VWA5A: variants seen among roughly 807,000 people sequenced by gnomAD.
VWA5A encodes the protein von Willebrand factor A domain containing 5A.
VWA5A carries 77 observed loss-of-function variants against 84.6 expected under a neutral mutation model. That is an observed-to-expected ratio of 0.91 (90% CI 0.76 to 1.10). VWA5A has a LOEUF of 1.10. VWA5A is among the 50% of genes least tolerant of loss of function. VWA5A has a pLI of 0.00. For missense variants in VWA5A, 973 were observed against 963.0 expected (o/e 1.01, Z -0.14); for synonymous variants, 334 against 350.1 (o/e 0.95, Z 0.51).
intron 11 of VWA5A, among the ~76,000 whole-genome samples, chr11:124,132,440 G>A (rs1337261407): frequency 6.6e-6 from 1 of 151,624 alleles, no homozygotes; most frequent in Non-Finnish European, 1.5e-5. Context: ...CTCTTGGCCT[G>A]GATTTTTTTG....
In VWA5A at chr11:124,147,719, C is replaced by T. The variant is rs1342521286; in HGVS notation, c.*1774C>T. On this transcript the variant is annotated 3_prime_UTR_variant, in exon 19 of 19. Coordinates refer to ENST00000456829, the MANE Select transcript of VWA5A (RefSeq NM_001130142.2). ...GAAATAGGCTTATATCCAAGCCTGC[C>T]ATCTAGATAGGCCCTACCTATGTAA... 1 of 152,134 alleles carries T rather than the reference C, an allele frequency of 6.6e-6. No homozygotes were observed. Among genetic ancestry groups the T allele is most frequent in the Non-Finnish European group, 1.5e-5 (1 of 68,022 alleles). The allele number at this position is 152,134 out of a possible 1,614,324, so 9.4% of individuals were successfully genotyped here.
In VWA5A at chr11:124,142,459, C is replaced by G. The variant is rs768388995; in HGVS notation, c.2041C>G (p.Leu681Val). The G allele has an allele frequency of 1.9e-6, 3 of 1,614,096 alleles. No homozygotes were observed. The East Asian group carries it at 6.7e-5, about 36-fold the overall frequency. ...QHSPGFGENH[L>V]VQLIYHQNAN... is the part of the protein sequence containing the mutation. ...CCTCAAAGGCTTTGGAGAGAATCACCTTGTGCAGCTGATTTACCACCAAAA... is the reference window on the plus strand; with the variant it reads ...CCTCAAAGGCTTTGGAGAGAATCACGTTGTGCAGCTGATTTACCACCAAAA... The change falls in exon 17 of 19, where the codon CTT becomes GTT. Residue 681 changes from leucine (L) to valine (V), a missense_variant. Transcript: ENST00000456829.
intron 11 of VWA5A, among the ~76,000 whole-genome samples, chr11:124,128,117 G>T (rs1235105268): frequency 1.3e-5 from 2 of 152,134 alleles, no homozygotes; most frequent in African/African-American, 4.8e-5. Context: ...TATTGCCTAG[G>T]TTTTCTTCTA....
chr11:124,118,527 T>C lies in VWA5A; in HGVS notation c.470-6T>C. The C allele has an allele frequency of 6.2e-7, 1 of 1,613,922 alleles. No individual in the cohort carries two copies. The highest frequency in any genetic ancestry group is 8.5e-7 in the Non-Finnish European group (1 of 1,179,844). ...AGGAAAACAGAACTAAGGTCATCTTTTATAGGGTCGTCTAAGGACAGTTGC... is the reference window on the plus strand; with the variant it reads ...AGGAAAACAGAACTAAGGTCATCTTCTATAGGGTCGTCTAAGGACAGTTGC... On this transcript the variant is annotated splice_region_variant and splice_polypyrimidine_tract_variant and intron_variant, in intron 5 of 18. Transcript: ENST00000456829.
At chr11:124,124,571 A>G (rs1565616532) in intron 11 of VWA5A, 1 of 1,201,754 alleles carries the variant, frequency 8.3e-7, no homozygotes, top group South Asian at 2.5e-5. Flanking sequence ...GTAAGATGTT[A>G]ATTTTTTTTA....
intron 11 of VWA5A, among the ~76,000 whole-genome samples, chr11:124,134,542 T>A (rs1034191726): frequency 5.9e-5 from 9 of 152,248 alleles, no homozygotes; most frequent in African/African-American, 2.2e-4. Flanking sequence ...AGGTAGGAAC[T>A]GGTGTTAGTT....
chr11:124,137,653 A>G lies in VWA5A; in HGVS notation c.1879+385A>G, dbSNP rs1015887417. On this transcript the variant is annotated intron_variant, in intron 15 of 18. Transcript: ENST00000456829. ...TTTAGTATGTTCACAGAGTTGTGCA[A>G]CCATTGATTGCCACAATCAATTTTA... Among the ~76,000 whole-genome samples the G allele has an allele frequency of 3.9e-5, 6 of 152,320 alleles. No homozygotes were observed. The East Asian group carries it at 7.7e-4, about 20-fold the overall frequency.
At position 124,137,327 on chromosome 11, in the gene VWA5A, A is replaced by C. The variant is rs1350741156; in HGVS notation, c.1879+59A>C. On this transcript the variant is annotated intron_variant, in intron 15 of 18. Transcript: ENST00000456829. ...AATAAAAGATTCTGACTATCTGAGC[A>C]CATTATTTAAAGGAAAGGGCTGTGA... The C allele has an allele frequency of 5.8e-6, 9 of 1,563,424 alleles. No homozygotes were observed. The East Asian group carries it at 1.1e-4, about 20-fold the overall frequency.
At chr11:124,117,334 A>G (rs1864847317) in intron 2 of VWA5A, 163 bp from the exon 3 acceptor site, 1 of 688,628 alleles carries the variant, frequency 1.5e-6, no homozygotes, top group Non-Finnish European at 2.5e-6. Context: ...AAGGACCCTT[A>G]TGACTGAAAT....
At chr11:124,141,861 C>A in intron 16 of VWA5A, 120 bp downstream of exon 16, 1 of 1,342,386 alleles carries the variant, frequency 7.4e-7, no homozygotes, top group Non-Finnish European at 1.0e-6. Context: ...TCGAAGGGAC[C>A]CCCCATGCAT....
chr11:124,131,506 A>C (rs986814630), intron 11 of VWA5A, among the ~76,000 whole-genome samples: 6 of 152,074 alleles, frequency 3.9e-5, no homozygotes, highest in Admixed American at 2.6e-4. Flanking sequence ...ATATTTTATA[A>C]TTCTCTGTGT....
chr11:124,121,865 C>A (rs1183369096), intron 7 of VWA5A, among the ~76,000 whole-genome samples: 2 of 152,196 alleles, frequency 1.3e-5, no homozygotes, highest in Non-Finnish European at 2.9e-5. Context: ...AATATAGCAC[C>A]AGCTCCATTT....
intron 4 of VWA5A, 155 bp downstream of exon 4, chr11:124,118,030 TA>T (rs1864863664): frequency 7.7e-7 from 1 of 1,299,172 alleles, no homozygotes; most frequent in Admixed American, 2.6e-5. Flanking sequence ...GCCATTTTTC[TA>T]AAATCATTTG....
intron 11 of VWA5A, among the ~76,000 whole-genome samples, chr11:124,130,942 T>G (rs1865088018): frequency 6.6e-6 from 1 of 152,146 alleles, no homozygotes; most frequent in South Asian, 2.1e-4. Context: ...TGCCCCTGCT[T>G]CAAAGGTAGC....
chr11:124,136,989 C>T (rs1860609486), intron 14 of VWA5A, 26 bp from the exon 15 acceptor site: 1 of 1,602,634 alleles, frequency 6.2e-7, no homozygotes, highest in South Asian at 1.1e-5. Context: ...CCCTACATTT[C>T]AGTACTTTTT....
intron 15 of VWA5A, 116 bp downstream of exon 15, chr11:124,137,384 C>A: frequency 1.5e-6 from 2 of 1,345,394 alleles, no homozygotes; most frequent in Non-Finnish European, 2.0e-6. Flanking sequence ...TTTCCTTATA[C>A]CTCCACATCT....
At position 124,147,249 on chromosome 11, in the gene VWA5A, C is replaced by G. The variant is rs1010399866; in HGVS notation, c.*1304C>G. 6.6e-6 allele frequency: 1 copy of G among 152,200 alleles called. No individual in the cohort carries two copies. Among genetic ancestry groups the G allele is most frequent in the African/African-American group, 2.4e-5 (1 of 41,432 alleles). 9.4% of individuals were successfully genotyped at this position (152,200 alleles called of 1,614,324 possible). ...AAGTAAAGGATACTAATAAGAATAC[C>G]ACTGTAGAATCCTGACCATACCCTT... On this transcript the variant is annotated 3_prime_UTR_variant, in exon 19 of 19. Transcript: ENST00000456829.
Position 124,137,222 on chromosome 11 carries a change from A to T in VWA5A, c.1833A>T (p.Pro611=). The change falls in exon 15 of 19, where the codon CCA becomes CCT. Residue 611 remains proline, a synonymous_variant. Coordinates refer to ENST00000456829, the MANE Select transcript of VWA5A (RefSeq NM_001130142.2). ...GPLAHRDVPR[P]ILLGASAPLK... is the part of the protein sequence containing the mutation. ...TGGCTCATAGGGACGTCCCAAGGCC[A>T]ATTCTGTTGGGTGCTTCTGCCCCAT... is the stretch of plus-strand genomic sequence containing the variant. 1.2e-6 allele frequency: 2 copies of T among 1,614,178 alleles called. No homozygotes were observed. Among genetic ancestry groups the T allele is most frequent in the Non-Finnish European group, 1.7e-6 (2 of 1,180,028 alleles).
chr11:124,115,692 G>A (rs1306261884), intron 1 of VWA5A: 2 of 152,246 alleles, frequency 1.3e-5, no homozygotes, highest in African/African-American at 4.8e-5. Flanking sequence ...TTTGGAGGTT[G>A]AAGGAGGGAT....
Sources: gnomAD v4.1 joint callset for allele counts (sites outside exome capture counted in the v4.1 genomes callset) on GRCh38, gnomAD v4.1.1 for gene constraint, MANE v1.5 for transcripts, NCBI Gene and HGNC (gene_info 2026-07-23, HGNC 2026-07-21) for gene names.